The following SYN1 variants were observed in gnomAD, a reference collection of about 807,000 sequenced individuals.
SYN1 encodes synapsin I.
A neutral mutation model predicts 44.6 loss-of-function variants in SYN1; 8 were observed. The observed-to-expected ratio is 0.18, with a 90% CI of 0.11 to 0.32. The LOEUF is 0.32. Among genes scored for constraint, SYN1 ranks in the 10% least tolerant of loss-of-function variants. SYN1 has a pLI of 1.00. For synonymous variants in SYN1, 275 were observed against 280.1 expected (o/e 0.98, Z 0.18); for missense variants, 451 against 639.4 (o/e 0.71, Z 3.18).
chrX:47,581,955 CTACT>C (rs1157683776), intron 5 of SYN1, among the ~76,000 whole-genome samples: 1 of 112,212 alleles, frequency 8.9e-6, no homozygotes, highest in Non-Finnish European at 1.9e-5. Flanking sequence ...TCCACTGCTG[CTACT>C]TAATTTGTTT....
chrX:47,613,636 G>A (rs902558823), intron 1 of SYN1, among the ~76,000 whole-genome samples: 4 of 111,828 alleles, frequency 3.6e-5, no homozygotes, highest in African/African-American at 1.3e-4. Flanking sequence ...ATAACACTGC[G>A]TCAAACCAAA....
Position 47,619,337 on chromosome X carries a change from G to A in SYN1, c.377+15C>T, listed in dbSNP as rs1347721908. 1 of 1,200,843 alleles carries A rather than the reference G, an allele frequency of 8.3e-7. No homozygotes were observed. Among genetic ancestry groups the A allele is most frequent in the Non-Finnish European group, 1.1e-6 (1 of 894,439 alleles). On this transcript the variant is annotated intron_variant, in intron 1 of 12. Transcript: ENST00000295987. ...GGACCCAGGCCCACGGGAGACGTCCGCGGCAGTGGCTTACCAGTCGGTGTG... is the reference window on the plus strand; with the variant it reads ...GGACCCAGGCCCACGGGAGACGTCCACGGCAGTGGCTTACCAGTCGGTGTG...
intron 1 of SYN1, among the ~76,000 whole-genome samples, chrX:47,608,886 G>GAC (rs34092010): frequency 0.21 from 18,872 of 89,157 alleles, 2,145 homozygotes; most frequent in African/African-American, 0.36. Flanking sequence ...GTCTTGGACA[G>GAC]ACACACACAC....
chrX:47,605,766 T>C (rs956244303), intron 3 of SYN1, among the ~76,000 whole-genome samples: 15 of 111,682 alleles, frequency 1.3e-4, no homozygotes, highest in Non-Finnish European at 1.9e-4. Flanking sequence ...GATATCTGCA[T>C]GGATCACTCC....
chrX:47,608,197 G>C (rs1229216315), intron 1 of SYN1, among the ~76,000 whole-genome samples: 1 of 98,775 alleles, frequency 1.0e-5, no homozygotes, highest in African/African-American at 3.7e-5. Flanking sequence ...GCAAGACCTA[G>C]GCAAAAAAGA....
In SYN1 at chrX:47,576,115, C is replaced by A. The variant is rs1376345312; in HGVS notation, c.1158+16G>T. On this transcript the variant is annotated intron_variant, in intron 9 of 12. Coordinates refer to ENST00000295987, the MANE Select transcript of SYN1 (RefSeq NM_006950.3). ...CTGTTCCTCCCTCTACCCCACCTAC[C>A]CCTGGGTGCTCATACCTCAATGATG... is the stretch of plus-strand genomic sequence containing the variant. 9.3e-6 allele frequency: 11 copies of A among 1,186,224 alleles called. No individual in the cohort carries two copies. The highest frequency in any genetic ancestry group is 1.0e-5 in the Non-Finnish European group (9 of 881,646).
At chrX:47,585,049 T>C (rs1233241427) in intron 5 of SYN1, 1 of 1,194,466 alleles carries the variant, frequency 8.4e-7, no homozygotes, top group Non-Finnish European at 1.1e-6. Context: ...CCCAGCATTT[T>C]CTAACATCTT....
chrX:47,605,207 C>T lies in SYN1; in HGVS notation c.684+16G>A, dbSNP rs375914125. ...GAGCTGTTCCCTCTGCCAGTGGCACCCTTCCTGTTACTTACCACCCAGGGC... is the reference window on the plus strand; with the variant it reads ...GAGCTGTTCCCTCTGCCAGTGGCACTCTTCCTGTTACTTACCACCCAGGGC... On this transcript the variant is annotated intron_variant, in intron 4 of 12. Coordinates refer to ENST00000295987, the MANE Select transcript of SYN1 (RefSeq NM_006950.3). 2 of 1,206,894 alleles carry T rather than the reference C, an allele frequency of 1.7e-6. No individual in the cohort carries two copies. Among genetic ancestry groups the T allele is most frequent in the African/African-American group, 3.5e-5 (2 of 57,092 alleles).
chrX:47,571,904 T>C lies in SYN1; in HGVS notation c.*960A>G. On this transcript the variant is annotated 3_prime_UTR_variant, in exon 13 of 13. Coordinates refer to ENST00000295987, the MANE Select transcript of SYN1 (RefSeq NM_006950.3). ...TTCACCAAGAAGCACAGAATTCTGC[T>C]GGGCCTTTGCTTGTTTATTTTGTTT... is the stretch of plus-strand genomic sequence containing the variant. The C allele has an allele frequency of 5.4e-6, 1 of 184,535 alleles. No individual in the cohort carries two copies. 15.2% of individuals were successfully genotyped at this position (184,535 alleles called of 1,213,427 possible).
intron 6 of SYN1, 40 bp downstream of exon 6, chrX:47,577,399 A>G: frequency 8.5e-7 from 1 of 1,182,052 alleles, no homozygotes; most frequent in Non-Finnish European, 1.1e-6. Flanking sequence ...GCATTGCACA[A>G]ATACACATCT....
chrX:47,592,530 G>C (rs1311399119), intron 5 of SYN1, among the ~76,000 whole-genome samples: 1 of 110,426 alleles, frequency 9.1e-6, no homozygotes, highest in African/African-American at 3.3e-5. Flanking sequence ...TTTAGCTCTA[G>C]ATATAAGTTT....
intron 5 of SYN1, chrX:47,586,583 C>A: frequency 8.3e-7 from 1 of 1,211,970 alleles, no homozygotes; most frequent in Non-Finnish European, 1.1e-6. Context: ...TGTGGACGGA[C>A]CAGCTCCTCC....
chrX:47,585,633 C>T (rs1401979268), intron 5 of SYN1: 1 of 1,200,450 alleles, frequency 8.3e-7, no homozygotes, highest in Admixed American at 2.2e-5. Context: ...CGGGGCTTCA[C>T]CAAGACCTAC....
chrX:47,578,729 C>T (rs2057785863), intron 5 of SYN1, among the ~76,000 whole-genome samples: 1 of 111,884 alleles, frequency 8.9e-6, no homozygotes, highest in Non-Finnish European at 1.9e-5. Flanking sequence ...CACAGTGCCC[C>T]TCTGGTGGCC....
chrX:47,618,933 A>G (rs887853481), intron 1 of SYN1, among the ~76,000 whole-genome samples: 1 of 111,282 alleles, frequency 9.0e-6, no homozygotes, highest in African/African-American at 3.3e-5. Flanking sequence ...ATTGAAATCA[A>G]AGGCCTTGGG....
chrX:47,618,950 C>T (rs1471105802), intron 1 of SYN1, among the ~76,000 whole-genome samples: 2 of 110,860 alleles, frequency 1.8e-5, no homozygotes, highest in East Asian at 5.7e-4. Context: ...TGGGGAAGGG[C>T]TCTTGGATGA....
At chrX:47,583,976 G>A (rs2057811356) in intron 5 of SYN1, among the ~76,000 whole-genome samples, 1 of 112,024 alleles carries the variant, frequency 8.9e-6, no homozygotes, top group Non-Finnish European at 1.9e-5. Context: ...GCAGTCGGTG[G>A]GAGAGATTGG....
chrX:47,580,673 C>T lies in SYN1; in HGVS notation c.775-3172G>A, dbSNP rs916476760. Among the ~76,000 whole-genome samples the T allele has an allele frequency of 5.6e-4, 61 of 108,157 alleles. 1 individual carries two copies. The highest frequency in any genetic ancestry group is 9.4e-4 in the Non-Finnish European group (49 of 52,259). 93.9% of individuals were successfully genotyped at this position (108,157 alleles called of 115,157 possible). ...TTAGAAGGCCGGGTGTGGTGGCTCA[C>T]GCCTGTAATCCCAACACTTTGGGAG... On this transcript the variant is annotated intron_variant, in intron 5 of 12. Transcript: ENST00000295987.
rs1226599203 is a variant in SYN1 at position 47,574,034 on chromosome X, G to A, written c.1950C>T (p.Ala650=). ...PSQDVPPPAT[A]AAGGPPHPQL... ...GGGGGTGCGGAGGTCCCCCTGCAGC[G>A]GCGGTGGCGGGTGGCGGCACGTCCT... Residue 650 remains alanine, a synonymous_variant, in exon 12 of 13, where the codon GCC becomes GCT. Coordinates refer to ENST00000295987, the MANE Select transcript of SYN1 (RefSeq NM_006950.3). 4 of 1,150,154 alleles carry A rather than the reference G, an allele frequency of 3.5e-6. No individual in the cohort carries two copies. In the African/African-American group the frequency reaches 7.2e-5, roughly 21 times the overall value. 94.8% of individuals were successfully genotyped at this position (1,150,154 alleles called of 1,213,427 possible).
Sources: gnomAD v4.1 joint callset for allele counts (sites outside exome capture counted in the v4.1 genomes callset) on GRCh38, gnomAD v4.1.1 for gene constraint, MANE v1.5 for transcripts, NCBI Gene and HGNC (gene_info 2026-07-23, HGNC 2026-07-21) for gene names.